TAF9B: variants seen among roughly 807,000 people sequenced by gnomAD.
The protein encoded by TAF9B is TATA-box binding protein associated factor 9b.
Under a neutral mutation model 17.6 loss-of-function variants are expected in TAF9B, and 47 were observed. The ratio of observed to expected loss-of-function variants is 2.68; its 90% CI spans 2.12 to 3.41. The LOEUF (loss-of-function observed/expected upper bound fraction) is 3.41. Ranked by LOEUF, TAF9B falls within the 30% of genes most tolerant of loss-of-function variation. The pLI is 0.00. For synonymous variants in TAF9B, 84 were observed against 68.7 expected, an observed-to-expected ratio of 1.22 and a Z score of -1.10; for missense variants, 218 against 189.3, an observed-to-expected ratio of 1.15 and a Z score of -0.89.
intron 6 of TAF9B, 150 bp downstream of exon 6, chrX:78,133,188 C>T: frequency 4.6e-6 from 2 of 438,415 alleles, no homozygotes; most frequent in Non-Finnish European, 4.0e-6. Context: ...TTAGAGGGCT[C>T]ATAGGTCCCT....
In TAF9B at chrX:78,131,072, G is replaced by A. The variant is rs1194090817; in HGVS notation, c.*538C>T. On this transcript the variant is annotated 3_prime_UTR_variant, in exon 7 of 7. Transcript: ENST00000341864. The stretch of plus-strand genomic sequence containing the variant: ...ATGAATGGGATCTAGAAAGGGAGTT[G>A]AGTTTGGAAGTTAAGGAAGTCAAAG... The A allele has an allele frequency of 9.0e-6, 1 of 110,583 alleles. No homozygotes were observed. Among genetic ancestry groups the A allele is most frequent in the Non-Finnish European group, 1.9e-5 (1 of 52,870 alleles). The allele number at this position is 110,583 out of a possible 1,213,427, so 9.1% of individuals were successfully genotyped here. A position where few individuals can be genotyped will look rare whatever the true frequency, so the allele number is the denominator to read the frequency against.
Position 78,138,912 on chromosome X carries a change from T to A in TAF9B, c.64A>T (p.Ile22Phe). The change falls in exon 2 of 7, where the codon ATC (isoleucine) becomes TTC (phenylalanine). Residue 22 changes from isoleucine to phenylalanine, a missense_variant. Physicochemically the swap from Ile to Phe is conservative, Grantham distance 21. Transcript: ENST00000341864. ...TCTGTGATTCCCATATCCTTCAGGATCTGTGCCATCACCTGTGGATTCAAA... is the reference window on the plus strand; with the variant it reads ...TCTGTGATTCCCATATCCTTCAGGAACTGTGCCATCACCTGTGGATTCAAA... Reference protein sequence around the residue: ...APRDALVMAQILKDMGITEYE... With the variant: ...APRDALVMAQFLKDMGITEYE... 1 of 1,200,642 alleles carries A rather than the reference T, an allele frequency of 8.3e-7. No individual in the cohort carries two copies. Among genetic ancestry groups the A allele is most frequent in the East Asian group, 3.0e-5 (1 of 33,779 alleles).
chrX:78,138,523 C>A (rs1165295175), intron 2 of TAF9B, among the ~76,000 whole-genome samples: 1 of 112,480 alleles, frequency 8.9e-6, no homozygotes, highest in African/African-American at 3.2e-5. Context: ...CTTTGGGAGG[C>A]CGAGATGGGG....
At chrX:78,139,013 A>C in intron 1 of TAF9B, 89 bp from the exon 2 acceptor site, 1 of 739,423 alleles carries the variant, frequency 1.4e-6, no homozygotes, top group Non-Finnish European at 2.0e-6. Flanking sequence ...TTATGATACA[A>C]GGTTCCCCTT....
At position 78,133,368 on chromosome X, in the gene TAF9B, G is replaced by C. The variant is rs782332640; in HGVS notation, c.562C>G (p.Pro188Ala). 3 of 1,211,019 alleles carry C rather than the reference G, an allele frequency of 2.5e-6. No homozygotes were observed. The highest frequency in any genetic ancestry group is 1.7e-5 in the African/African-American group (1 of 57,846). The change falls in exon 6 of 7, where the codon CCA (proline) becomes GCA (alanine). Residue 188 changes from proline (P) to alanine (A), a missense_variant. By Grantham distance (27) the Pro-to-Ala change is conservative. Transcript: ENST00000341864. ...TTGACAGGTGTGGACTGAGAAGGTG[G>C]AATCTGCACCGTAAATCTTTGGCTT... ...VTSQRFTVQI[P>A]PSQSTPVKPV...
chrX:78,135,610 AAAT>A (rs1316435631), intron 5 of TAF9B, among the ~76,000 whole-genome samples: 1 of 110,784 alleles, frequency 9.0e-6, no homozygotes, highest in Non-Finnish European at 1.9e-5. Context: ...AAAAAATAAA[AAAT>A]AAAAACAAAA....
rs2078438754 is a variant in TAF9B at position 78,137,611 on chromosome X, A to G, written c.405+138T>C. 1.2e-5 allele frequency: 7 copies of G among 570,276 alleles called. No homozygotes were observed. In the East Asian group the frequency reaches 1.6e-4, roughly 13 times the overall value. 47.0% of individuals were successfully genotyped at this position (570,276 alleles called of 1,213,427 possible). On this transcript the variant is annotated intron_variant, in intron 4 of 6. Coordinates refer to ENST00000341864, the MANE Select transcript of TAF9B (RefSeq NM_015975.5). ...CACTAAAGTTCCATCTAGCTCGAAA[A>G]TTTTTTAAAATTAAAAAAATTCTAG...
chrX:78,137,748 C>A lies in TAF9B; in HGVS notation c.405+1G>T, dbSNP rs369856017. On this transcript the variant is annotated splice_donor_variant, in intron 4 of 6. Coordinates refer to ENST00000341864, the MANE Select transcript of TAF9B (RefSeq NM_015975.5). LOFTEE classifies it high-confidence loss of function. ...AAGAAAAGTTGACTAAAATTTCTTA[C>A]CTTTTTAATTAAGGACTTCAGCCTA... 1.7e-6 allele frequency: 2 copies of A among 1,181,600 alleles called. No individual in the cohort carries two copies. Among genetic ancestry groups the A allele is most frequent in the Non-Finnish European group, 2.3e-6 (2 of 887,260 alleles).
rs1384028454 is a variant in TAF9B, at chrX:78,137,903, T to C, written c.271-20A>G. The C allele has an allele frequency of 4.2e-6, 5 of 1,196,216 alleles. No homozygotes were observed. Among genetic ancestry groups the C allele is most frequent in the Non-Finnish European group, 5.6e-6 (5 of 890,839 alleles). On this transcript the variant is annotated intron_variant, in intron 3 of 6. Coordinates refer to ENST00000341864, the MANE Select transcript of TAF9B (RefSeq NM_015975.5). ...TAAAAACTTAAAAAAAAAATCCTTATTAGAACTACAGTTTTAAAAATTGTA... is the reference window on the plus strand; with the variant it reads ...TAAAAACTTAAAAAAAAAATCCTTACTAGAACTACAGTTTTAAAAATTGTA...
chrX:78,131,642 G>A lies in TAF9B; in HGVS notation c.724C>T (p.His242Tyr). 8.3e-7 allele frequency: 1 copy of A among 1,208,894 alleles called. No homozygotes were observed. Among genetic ancestry groups the A allele is most frequent in the Middle Eastern group, 2.3e-4 (1 of 4,344 alleles). The change falls in exon 7 of 7, where the codon CAT becomes TAT. Residue 242 changes from histidine to tyrosine, a missense_variant. Physicochemically the swap from His to Tyr is moderately conservative, Grantham distance 83. Transcript: ENST00000341864. ...ANEANPLKRKHEDDDDNDIM is the reference protein window; with the variant it reads ...ANEANPLKRKYEDDDDNDIM ...ATATCATTGTCATCATCATCTTCAT[G>A]TTTTCTCTTCAGTGGGTTTGCTTCA...
At chrX:78,137,235 CG>C (rs2078437572) in intron 4 of TAF9B, among the ~76,000 whole-genome samples, 1 of 111,945 alleles carries the variant, frequency 8.9e-6, no homozygotes, top group Admixed American at 9.5e-5. Flanking sequence ...TTTAAGATAG[CG>C]GTTATCCCCA....
intron 2 of TAF9B, among the ~76,000 whole-genome samples, 179 bp from the exon 3 acceptor site, chrX:78,138,277 C>T (rs1279501956): frequency 8.9e-6 from 1 of 112,166 alleles, no homozygotes; most frequent in African/African-American, 3.2e-5. Context: ...GACAGCCTCC[C>T]GAAGTGCTGA....
intron 6 of TAF9B, 106 bp downstream of exon 6, chrX:78,133,232 C>T (rs1328335106): frequency 1.6e-6 from 1 of 612,181 alleles, no homozygotes; most frequent in Non-Finnish European, 2.6e-6. Context: ...TTACTGCCAC[C>T]TTCCTGTTGG....
At chrX:78,131,799 C>CA (rs782030984) in intron 6 of TAF9B, 26 bp from the exon 7 acceptor site, 4 of 1,177,942 alleles carry the variant, frequency 3.4e-6, no homozygotes, top group African/African-American at 1.8e-5. Context: ...AAAGCCCCCC[C>CA]AAAACCAAGC....
chrX:78,137,269 T>A (rs2078437735), intron 4 of TAF9B, among the ~76,000 whole-genome samples: 1 of 112,261 alleles, frequency 8.9e-6, no homozygotes, highest in African/African-American at 3.2e-5. Flanking sequence ...TGTAACTACT[T>A]TGTGATTTTT....
rs781955711 is a variant in TAF9B, at chrX:78,137,941, TTCAAA to T, written c.270+16_270+20del. 46 of 1,199,804 alleles carry T rather than the reference TTCAAA, an allele frequency of 3.8e-5. No individual in the cohort carries two copies. The highest frequency in any genetic ancestry group is 4.9e-5 in the Non-Finnish European group (44 of 891,978). Reference sequence around the variant, plus strand: ...TTTAAAAATTGTAAGTAAAAATAACTTCAAATCAAAGTTTGCTCACATCTCTTGGG... The same window carrying T: ...TTTAAAAATTGTAAGTAAAAATAACTTCAAAGTTTGCTCACATCTCTTGGG... On this transcript the variant is annotated intron_variant, in intron 3 of 6. Coordinates refer to ENST00000341864, the MANE Select transcript of TAF9B (RefSeq NM_015975.5).
chrX:78,132,546 A>G (rs1557249620), intron 6 of TAF9B, among the ~76,000 whole-genome samples: 1 of 110,794 alleles, frequency 9.0e-6, no homozygotes, highest in African/African-American at 3.3e-5. Context: ...GTTAGGTTTC[A>G]GAAGATATGA....
intron 6 of TAF9B, among the ~76,000 whole-genome samples, 200 bp downstream of exon 6, chrX:78,133,138 A>T (rs989954417): frequency 8.9e-6 from 1 of 111,943 alleles, no homozygotes; most frequent in Non-Finnish European, 1.9e-5. Flanking sequence ...TCCCTCAAGG[A>T]TAAGGGGGGA....
At position 78,137,902 on chromosome X, in the gene TAF9B, A is replaced by T. The variant is rs1332240109; in HGVS notation, c.271-19T>A. 8.4e-7 allele frequency: 1 copy of T among 1,195,356 alleles called. No homozygotes were observed. The highest frequency in any genetic ancestry group is 1.8e-5 in the African/African-American group (1 of 55,992). On this transcript the variant is annotated intron_variant, in intron 3 of 6. Coordinates refer to ENST00000341864, the MANE Select transcript of TAF9B (RefSeq NM_015975.5). The stretch of plus-strand genomic sequence containing the variant: ...GTAAAAACTTAAAAAAAAAATCCTT[A>T]TTAGAACTACAGTTTTAAAAATTGT...
Sources: allele counts gnomAD v4.1 joint callset (sites outside exome capture counted in the v4.1 genomes callset), GRCh38; gene constraint gnomAD v4.1.1; transcripts MANE v1.5; gene names NCBI Gene and HGNC (gene_info 2026-07-23, HGNC 2026-07-21).